MAGI2: variants seen among roughly 807,000 people sequenced by gnomAD.
MAGI2 encodes membrane-associated guanylate kinase, WW and PDZ domain-containing protein 2.
A neutral mutation model predicts 133.3 loss-of-function variants in MAGI2; 35 were observed. The ratio of observed to expected loss-of-function variants is 0.26; its 90% CI spans 0.20 to 0.35. MAGI2 has a LOEUF of 0.35. MAGI2 is among the 10% of genes least tolerant of loss of function. The pLI is 1.00. For synonymous variants in MAGI2, 729 were observed against 710.6 expected, an observed-to-expected ratio of 1.03 and a Z score of -0.41; for missense variants, 1,636 against 1,863.4, an observed-to-expected ratio of 0.88 and a Z score of 2.25.
chr7:78,950,392 G>A (rs1432073722), intron 2 of MAGI2, among the ~76,000 whole-genome samples: 2 of 152,114 alleles, frequency 1.3e-5, no homozygotes, highest in African/African-American at 4.8e-5. Flanking sequence ...AATGCAGTTA[G>A]TATCCATATT....
intron 3 of MAGI2, among the ~76,000 whole-genome samples, chr7:78,552,946 C>T (rs1292152318): frequency 6.6e-6 from 1 of 152,056 alleles, no homozygotes; most frequent in Non-Finnish European, 1.5e-5. Context: ...GGTCAGTGAG[C>T]TCCAGGCAAT....
At chr7:79,074,616 T>C (rs978052621) in intron 1 of MAGI2, among the ~76,000 whole-genome samples, 1 of 152,244 alleles carries the variant, frequency 6.6e-6, no homozygotes, top group Non-Finnish European at 1.5e-5. Flanking sequence ...GGAAGTACTA[T>C]GATACAATAG....
intron 2 of MAGI2, among the ~76,000 whole-genome samples, chr7:78,717,157 C>G (rs376608601): frequency 6.6e-6 from 1 of 152,082 alleles, no homozygotes; most frequent in Non-Finnish European, 1.5e-5. Flanking sequence ...CTCCTGCGCT[C>G]GCTGGTGCTC....
chr7:79,051,457 T>C (rs1812660155), intron 1 of MAGI2, among the ~76,000 whole-genome samples: 1 of 152,244 alleles, frequency 6.6e-6, no homozygotes, highest in Non-Finnish European at 1.5e-5. Context: ...TGCTAGCTCA[T>C]AGCTCAGTGC....
intron 21 of MAGI2, among the ~76,000 whole-genome samples, chr7:78,063,070 C>G (rs1813445693): frequency 6.6e-6 from 1 of 152,222 alleles, no homozygotes; most frequent in South Asian, 2.1e-4. Context: ...GCTTCAACTT[C>G]TGCAATAACA....
At chr7:78,738,302 C>A (rs1376201296) in intron 2 of MAGI2, among the ~76,000 whole-genome samples, 1 of 152,078 alleles carries the variant, frequency 6.6e-6, no homozygotes, top group Admixed American at 6.6e-5. Flanking sequence ...TAAGAATTGT[C>A]ATAGCCTGAA....
chr7:79,334,821 C>T (rs1264293016), intron 1 of MAGI2, among the ~76,000 whole-genome samples: 1 of 152,092 alleles, frequency 6.6e-6, no homozygotes, highest in Non-Finnish European at 1.5e-5. Flanking sequence ...TGATTAAATT[C>T]TAGTACTCTA....
chr7:78,609,332 CAAT>C (rs979685178), intron 3 of MAGI2, among the ~76,000 whole-genome samples: 50 of 152,196 alleles, frequency 3.3e-4, no homozygotes, highest in African/African-American at 7.2e-5. Context: ...TCAGTAAAGA[CAAT>C]AATAAGGTCA....
chr7:79,058,884 G>A (rs934733437), intron 1 of MAGI2, among the ~76,000 whole-genome samples: 1 of 152,054 alleles, frequency 6.6e-6, no homozygotes, highest in African/African-American at 2.4e-5. Flanking sequence ...CTAATCTTTA[G>A]TGTCCTTATG....
chr7:78,348,793 G>A (rs1023126828), intron 7 of MAGI2, among the ~76,000 whole-genome samples: 1 of 152,120 alleles, frequency 6.6e-6, no homozygotes, highest in Non-Finnish European at 1.5e-5. Context: ...AACAACAAAA[G>A]TAAACAAAAT....
At chr7:78,926,601 A>G (rs1449016113) in intron 2 of MAGI2, among the ~76,000 whole-genome samples, 1 of 152,044 alleles carries the variant, frequency 6.6e-6, no homozygotes, top group Non-Finnish European at 1.5e-5. Flanking sequence ...CTCGTTAAAT[A>G]AAGTTTGAAA....
At chr7:79,105,442 C>T (rs945686551) in intron 1 of MAGI2, among the ~76,000 whole-genome samples, 15 of 152,108 alleles carry the variant, frequency 9.9e-5, no homozygotes, top group African/African-American at 3.4e-4. Context: ...GATTTACTTG[C>T]ACCATATAGG....
intron 1 of MAGI2, among the ~76,000 whole-genome samples, chr7:79,100,299 A>G (rs1367937301): frequency 1.3e-5 from 2 of 152,160 alleles, no homozygotes; most frequent in Non-Finnish European, 2.9e-5. Context: ...TACTAACATC[A>G]GGCCAGTAGT....
intron 1 of MAGI2, among the ~76,000 whole-genome samples, chr7:79,260,226 C>T (rs191088756): frequency 3.7e-4 from 56 of 152,074 alleles, no homozygotes; most frequent in Admixed American, 9.8e-4. Flanking sequence ...CATGGTGGCG[C>T]GCTCCTGGGG....
intron 2 of MAGI2, among the ~76,000 whole-genome samples, chr7:78,729,302 T>G (rs952299751): frequency 1.3e-5 from 2 of 152,156 alleles, no homozygotes; most frequent in African/African-American, 2.4e-5. Context: ...ATACAACACA[T>G]TAGGGGTTCA....
At chr7:78,304,511 C>T (rs1034866790) in intron 9 of MAGI2, among the ~76,000 whole-genome samples, 7 of 152,294 alleles carry the variant, frequency 4.6e-5, no homozygotes, top group Middle Eastern at 3.4e-3. Flanking sequence ...CACCTTAACC[C>T]TACTTTCATT....
At chr7:78,452,662 AC>A (rs1788855385) in intron 6 of MAGI2, among the ~76,000 whole-genome samples, 2 of 151,948 alleles carry the variant, frequency 1.3e-5, no homozygotes, top group South Asian at 4.2e-4. Context: ...GTAAAAAGCA[AC>A]CATCCCTTTA....
chr7:78,629,626 C>A (rs1269006897), intron 2 of MAGI2, among the ~76,000 whole-genome samples: 1 of 152,150 alleles, frequency 6.6e-6, no homozygotes, highest in Non-Finnish European at 1.5e-5. Context: ...TATAAAAAAA[C>A]AAAAACTTTC....
At chr7:78,233,474 A>C (rs1490187073) in intron 10 of MAGI2, among the ~76,000 whole-genome samples, 4 of 152,162 alleles carry the variant, frequency 2.6e-5, no homozygotes, top group African/African-American at 9.7e-5. Flanking sequence ...GAGAGGTGCA[A>C]GGCAGAAAAG....
Sources: allele counts gnomAD v4.1 joint callset (sites outside exome capture counted in the v4.1 genomes callset), GRCh38; gene constraint gnomAD v4.1.1; transcripts MANE v1.5; gene names NCBI Gene and HGNC (gene_info 2026-07-23, HGNC 2026-07-21).